Variants in RBFOX2 observed in about 807,000 individuals in gnomAD.
RBFOX2 encodes the protein RNA binding protein fox-1 homolog 2.
Under a neutral mutation model 49.1 loss-of-function variants are expected in RBFOX2, and 10 were observed. The ratio of observed to expected loss-of-function variants is 0.20; its 90% CI spans 0.13 to 0.35. RBFOX2 has a LOEUF of 0.35. RBFOX2 is among the 10% of genes least tolerant of loss of function. The pLI is 1.00. For missense variants in RBFOX2, 323 were observed against 486.9 expected (o/e 0.66, Z 3.17); for synonymous variants, 183 against 187.4 (o/e 0.98, Z 0.19).
upstream of RBFOX2, among the ~76,000 whole-genome samples, chr22:35,844,856 A>G (rs888541105): frequency 6.6e-6 from 1 of 152,072 alleles, no homozygotes; most frequent in Non-Finnish European, 1.5e-5. Context: ...GCTGAAAGGA[A>G]GATGTACAAA....
At chr22:35,761,886 T>C (rs1341410788) in intron 6 of RBFOX2, among the ~76,000 whole-genome samples, 1 of 152,230 alleles carries the variant, frequency 6.6e-6, no homozygotes, top group Non-Finnish European at 1.5e-5. Context: ...TTACTCTAGT[T>C]GTTTTAATAA....
chr22:36,010,645 A>T (rs952329036), intron 1 of RBFOX2, among the ~76,000 whole-genome samples: 1 of 151,476 alleles, frequency 6.6e-6, no homozygotes, highest in African/African-American at 2.4e-5. Flanking sequence ...TAAATGTGGA[A>T]GTCTATAAAG....
chr22:35,913,820 G>A (rs1463508181), intron 1 of RBFOX2, among the ~76,000 whole-genome samples: 2 of 151,986 alleles, frequency 1.3e-5, no homozygotes, highest in East Asian at 3.9e-4. Flanking sequence ...AAGGGAAAGA[G>A]AAAAGAAAAT....
intron 1 of RBFOX2, among the ~76,000 whole-genome samples, chr22:35,904,725 T>C (rs1443451677): frequency 2.0e-5 from 3 of 152,192 alleles, no homozygotes; most frequent in African/African-American, 7.2e-5. Context: ...AGCACAATAA[T>C]AGCATCCCAG....
chr22:35,783,832 A>T (rs1569087692), intron 2 of RBFOX2, among the ~76,000 whole-genome samples: 1 of 152,186 alleles, frequency 6.6e-6, no homozygotes, highest in Non-Finnish European at 1.5e-5. Context: ...TCCACCACCA[A>T]TACCCGCTTG....
intron 5 of RBFOX2, among the ~76,000 whole-genome samples, chr22:35,767,523 T>C (rs1369081547): frequency 6.6e-6 from 1 of 152,066 alleles, no homozygotes; most frequent in African/African-American, 2.4e-5. Context: ...TTTAATACTT[T>C]AAAAAATTGG....
chr22:35,764,563 T>C (rs1285680676), intron 6 of RBFOX2, among the ~76,000 whole-genome samples: 3 of 137,170 alleles, frequency 2.2e-5, no homozygotes, highest in Non-Finnish European at 4.6e-5. Context: ...CCAGCCTGGG[T>C]GACAAAGCGA....
intron 2 of RBFOX2, among the ~76,000 whole-genome samples, chr22:35,794,653 G>C (rs1313753975): frequency 6.7e-6 from 1 of 149,440 alleles, no homozygotes; most frequent in Non-Finnish European, 1.5e-5. Context: ...GTAAGACTCT[G>C]TCTCAAAAAA....
intron 1 of RBFOX2, among the ~76,000 whole-genome samples, chr22:35,968,666 C>T (rs991154857): frequency 3.9e-5 from 6 of 152,168 alleles, no homozygotes; most frequent in African/African-American, 1.2e-4. Context: ...CCATAATTTC[C>T]CATGGCATTC....
intron 1 of RBFOX2, among the ~76,000 whole-genome samples, chr22:35,853,413 C>T (rs1453409753): frequency 6.6e-6 from 1 of 151,584 alleles, no homozygotes. Flanking sequence ...ATGTGTACAT[C>T]AATCAATAAA....
intron 1 of RBFOX2, among the ~76,000 whole-genome samples, chr22:35,838,436 C>T (rs143262048): frequency 6.6e-6 from 1 of 151,782 alleles, no homozygotes. Flanking sequence ...AGGTGATCGG[C>T]GATCAGAGGG....
intron 2 of RBFOX2, among the ~76,000 whole-genome samples, chr22:35,787,214 A>AT (rs998628060): frequency 2.9e-4 from 44 of 151,936 alleles, no homozygotes; most frequent in Non-Finnish European, 4.3e-4. Context: ...TAATTTTTAT[A>AT]TTTTTTGTAG....
intron 4 of RBFOX2, among the ~76,000 whole-genome samples, chr22:35,777,073 G>A (rs1467279437): frequency 6.6e-6 from 1 of 150,870 alleles, no homozygotes; most frequent in African/African-American, 2.4e-5. Context: ...GTGCAGTGGC[G>A]CAATCTCGGC....
chr22:35,824,232 C>T (rs1380517646), intron 1 of RBFOX2: 2 of 151,876 alleles, frequency 1.3e-5, no homozygotes, highest in Admixed American at 6.6e-5. Context: ...GCACTATATG[C>T]TAAACATTAT....
intron 1 of RBFOX2, among the ~76,000 whole-genome samples, chr22:35,861,820 T>G (rs1301814683): frequency 6.6e-6 from 1 of 152,108 alleles, no homozygotes; most frequent in African/African-American, 2.4e-5. Flanking sequence ...AATATGAATA[T>G]GAATACTCAT....
chr22:35,990,400 A>G (rs951878007), intron 1 of RBFOX2, among the ~76,000 whole-genome samples: 5 of 152,220 alleles, frequency 3.3e-5, no homozygotes, highest in Admixed American at 2.0e-4. Flanking sequence ...GAGCAAAGAC[A>G]GGGGAGTTAA....
chr22:35,748,321 A>T (rs1933569067), intron 9 of RBFOX2: 1 of 152,214 alleles, frequency 6.6e-6, no homozygotes, highest in African/African-American at 2.4e-5. Context: ...AATATTACCA[A>T]ACACTGACAA....
rs115789023 is a variant in RBFOX2, at chr22:35,831,143, C to T, written c.27+9049G>A. Among the ~76,000 whole-genome samples, 701 of 152,276 alleles carry T rather than the reference C, an allele frequency of 4.6e-3. 5 individuals carry two copies. The highest frequency in any genetic ancestry group is 0.016 in the African/African-American group (676 of 41,550). ...AACCTGCAAGCTAAGCATGGTTTTA[C>T]GTTTTTAAATAGTTAAGAGGCCAGG... is the stretch of plus-strand genomic sequence containing the variant. On this transcript the variant is annotated intron_variant, in intron 1 of 11. Transcript: ENST00000405409.
At chr22:35,854,594 T>G (rs2042307827) in intron 1 of RBFOX2, among the ~76,000 whole-genome samples, 1 of 151,182 alleles carries the variant, frequency 6.6e-6, no homozygotes, top group Non-Finnish European at 1.5e-5. Context: ...ACCCTGTCTC[T>G]TGAAAAAAAA....
Sources: allele counts gnomAD v4.1 joint callset (sites outside exome capture counted in the v4.1 genomes callset), GRCh38; gene constraint gnomAD v4.1.1; transcripts MANE v1.5; gene names NCBI Gene and HGNC (gene_info 2026-07-23, HGNC 2026-07-21).